ERBB4: variants seen among roughly 807,000 people sequenced by gnomAD.
ERBB4 encodes receptor tyrosine-protein kinase erbB-4.
A neutral mutation model predicts 158.0 loss-of-function variants in ERBB4; 42 were observed. The observed-to-expected ratio is 0.27, with a 90% confidence interval of 0.21 to 0.34. The LOEUF is 0.34. ERBB4 is among the 10% of genes least tolerant of loss of function. ERBB4 has a pLI of 1.00. For synonymous variants in ERBB4, 583 were observed against 558.7 expected (o/e 1.04, Z -0.61); for missense variants, 1,333 against 1,624.1 (o/e 0.82, Z 3.08).
intron 3 of ERBB4, among the ~76,000 whole-genome samples, chr2:211,933,484 T>C (rs1300046422): frequency 6.6e-6 from 1 of 152,126 alleles, no homozygotes; most frequent in Non-Finnish European, 1.5e-5. Flanking sequence ...AGATATTTGA[T>C]GACTTTAGAT....
chr2:212,334,286 A>G (rs1044940245), intron 1 of ERBB4, among the ~76,000 whole-genome samples: 1 of 151,970 alleles, frequency 6.6e-6, no homozygotes, highest in Admixed American at 6.6e-5. Context: ...TACTCAATTT[A>G]CTTACAGGGA....
intron 16 of ERBB4, among the ~76,000 whole-genome samples, chr2:211,632,840 T>C (rs2070195950): frequency 1.3e-5 from 2 of 152,104 alleles, no homozygotes; most frequent in Non-Finnish European, 2.9e-5. Flanking sequence ...ATATTTTTGG[T>C]CTACTTGAAT....
intron 1 of ERBB4, among the ~76,000 whole-genome samples, chr2:212,369,367 T>C (rs1222698754): frequency 6.6e-6 from 1 of 152,160 alleles, no homozygotes; most frequent in East Asian, 1.9e-4. Context: ...TGGTACGCAT[T>C]TGACTTTCTA....
intron 1 of ERBB4, among the ~76,000 whole-genome samples, chr2:212,225,951 G>A (rs1305888011): frequency 3.9e-5 from 6 of 152,062 alleles, no homozygotes; most frequent in African/African-American, 9.7e-5. Context: ...CTGCTGTTTG[G>A]AAGATATTTT....
intron 3 of ERBB4, among the ~76,000 whole-genome samples, chr2:211,919,681 T>C (rs1018340864): frequency 2.6e-5 from 4 of 152,020 alleles, no homozygotes; most frequent in African/African-American, 9.7e-5. Context: ...ATTTAGTTTT[T>C]GGATTTTATC....
intron 3 of ERBB4, among the ~76,000 whole-genome samples, chr2:211,913,402 A>G (rs2079588953): frequency 6.6e-6 from 1 of 152,032 alleles, no homozygotes; most frequent in Admixed American, 6.6e-5. Context: ...GGAGTTCGAG[A>G]TCAGCCTGGC....
At chr2:212,023,746 C>A (rs1378188140) in intron 2 of ERBB4, among the ~76,000 whole-genome samples, 1 of 151,612 alleles carries the variant, frequency 6.6e-6, no homozygotes, top group African/African-American at 2.4e-5. Context: ...TTTTATTGCT[C>A]TGATGAGTAG....
At chr2:212,035,182 T>G (rs1223592546) in intron 2 of ERBB4, among the ~76,000 whole-genome samples, 2 of 152,234 alleles carry the variant, frequency 1.3e-5, no homozygotes, top group South Asian at 2.1e-4. Context: ...CTTAAAATTA[T>G]GAAAGGCTTT....
At chr2:212,108,201 C>T (rs1326999873) in intron 2 of ERBB4, among the ~76,000 whole-genome samples, 2 of 152,036 alleles carry the variant, frequency 1.3e-5, no homozygotes, top group African/African-American at 4.8e-5. Flanking sequence ...AAAGACACAG[C>T]ACGAGCAAAA....
At position 212,062,399 on chromosome 2, in the gene ERBB4, CTTTTTTTTTTTTTTTTTTTTTTTTTT is replaced by C. The variant is rs199535512; in HGVS notation, c.234+62327_234+62352del. On this transcript the variant is annotated intron_variant, in intron 2 of 27. Coordinates refer to ENST00000342788, the MANE Select transcript of ERBB4 (RefSeq NM_005235.3). ...CTACTACTCTTCTCACTTGTCAATT[CTTTTTTTTTTTTTTTTTTTTTTTTTT>C]TTTTTTTTTTTGAGATGGAGTCTCA... 1.1e-3 allele frequency among the ~76,000 whole-genome samples: 90 copies of C among 81,348 alleles called. 1 individual carries two copies. The highest frequency in any genetic ancestry group is 2.0e-3 in the Non-Finnish European group (79 of 40,492). 53.4% of individuals were successfully genotyped at this position (81,348 alleles called of 152,430 possible). A position where few individuals can be genotyped will look rare whatever the true frequency, so the allele number is the denominator to read the frequency against.
intron 2 of ERBB4, among the ~76,000 whole-genome samples, chr2:212,027,146 T>G (rs2076791828): frequency 6.6e-6 from 1 of 152,054 alleles, no homozygotes; most frequent in Admixed American, 6.6e-5. Flanking sequence ...CTATTTAATA[T>G]GCTAAGCCTC....
chr2:211,748,692 A>G lies in ERBB4; in HGVS notation c.622+1947T>C, dbSNP rs560304681. ...GCAGAAGCCTCTTTGACCCCTCTGT[A>G]AAATAAATAAGTGAATAAATAAAAT... On this transcript the variant is annotated intron_variant, in intron 5 of 27. Coordinates refer to ENST00000342788, the MANE Select transcript of ERBB4 (RefSeq NM_005235.3). 9.8e-5 allele frequency among the ~76,000 whole-genome samples: 15 copies of G among 152,358 alleles called. No homozygotes were observed. In the East Asian group the frequency reaches 2.7e-3, roughly 27 times the overall value.
chr2:211,426,311 T>G (rs1470817342), intron 22 of ERBB4, among the ~76,000 whole-genome samples: 6 of 152,192 alleles, frequency 3.9e-5, no homozygotes, highest in Non-Finnish European at 8.8e-5. Context: ...TCTTAAGATG[T>G]ATATCACAGC....
At chr2:212,060,099 A>C (rs539928237) in intron 2 of ERBB4, among the ~76,000 whole-genome samples, 2 of 152,314 alleles carry the variant, frequency 1.3e-5, no homozygotes, top group South Asian at 2.1e-4. Context: ...TTTACAAATT[A>C]CAATTGTTGT....
chr2:212,418,650 T>C (rs759477479), intron 1 of ERBB4, among the ~76,000 whole-genome samples: 40 of 151,820 alleles, frequency 2.6e-4, no homozygotes, highest in Middle Eastern at 6.8e-3. Context: ...AAATACACTT[T>C]TTGAAAATGC....
intron 1 of ERBB4, among the ~76,000 whole-genome samples, chr2:212,167,091 T>C (rs4609996): frequency 0.62 from 94,673 of 151,880 alleles, 30,823 homozygotes; most frequent in African/African-American, 0.73. Flanking sequence ...AATTGACAAA[T>C]GGGATCTAAT....
chr2:212,196,650 A>T (rs929943819), intron 1 of ERBB4, among the ~76,000 whole-genome samples: 3 of 152,160 alleles, frequency 2.0e-5, no homozygotes, highest in Admixed American at 6.6e-5. Flanking sequence ...TCATAAAAGT[A>T]CTAAACCTGA....
chr2:211,872,436 T>A (rs1329270875), intron 3 of ERBB4, among the ~76,000 whole-genome samples: 7 of 152,194 alleles, frequency 4.6e-5, no homozygotes, highest in Non-Finnish European at 1.5e-5. Flanking sequence ...TCAATTTTTC[T>A]TGAGAACACC....
In ERBB4 at chr2:211,560,262, CTTTTTTTTTTTTTTTTT is replaced by C. The variant is rs769707072; in HGVS notation, c.2487+1624_2487+1640del. Among the ~76,000 whole-genome samples the C allele has an allele frequency of 9.4e-3, 435 of 46,318 alleles. 14 individuals carry two copies. The highest frequency in any genetic ancestry group is 0.033 in the African/African-American group (349 of 10,460). The allele number at this position is 46,318 out of a possible 152,430, so 30.4% of individuals were successfully genotyped here. ...CAGCACTAACAAATTTGAAGCTTAG[CTTTTTTTTTTTTTTTTT>C]TTTTTTTTTTTTGAGATGGAGTTTC... On this transcript the variant is annotated intron_variant, in intron 20 of 27. Coordinates refer to ENST00000342788, the MANE Select transcript of ERBB4 (RefSeq NM_005235.3).
Sources: allele counts gnomAD v4.1 joint callset (sites outside exome capture counted in the v4.1 genomes callset), GRCh38; gene constraint gnomAD v4.1.1; transcripts MANE v1.5; gene names NCBI Gene and HGNC (gene_info 2026-07-23, HGNC 2026-07-21).